ZNF385B: variants seen among roughly 807,000 people sequenced by gnomAD.
ZNF385B encodes the protein zinc finger protein 533.
In ZNF385B, 23 loss-of-function variants were observed where a neutral mutation model predicts 39.2. The observed-to-expected ratio is 0.59, with a 90% CI of 0.42 to 0.83. ZNF385B has a LOEUF of 0.83. ZNF385B is among the 40% of genes least tolerant of loss of function. ZNF385B has a pLI of 0.00. For missense variants in ZNF385B, 552 were observed against 598.9 expected, an observed-to-expected ratio of 0.92 and a Z score of 0.82; for synonymous variants, 205 against 222.6, an observed-to-expected ratio of 0.92 and a Z score of 0.70.
At chr2:179,495,353 G>A (rs1163459155) in intron 5 of ZNF385B, among the ~76,000 whole-genome samples, 1 of 152,188 alleles carries the variant, frequency 6.6e-6, no homozygotes, top group Non-Finnish European at 1.5e-5. Context: ...AGAACACCAG[G>A]TAGACTTCTA....
chr2:179,625,788 A>C (rs917521586), intron 3 of ZNF385B, among the ~76,000 whole-genome samples: 4 of 152,144 alleles, frequency 2.6e-5, no homozygotes, highest in Admixed American at 2.6e-4. Context: ...TATCTACATA[A>C]ATATAAAATG....
chr2:179,839,518 A>G (rs1341469605), intron 1 of ZNF385B, among the ~76,000 whole-genome samples: 1 of 152,216 alleles, frequency 6.6e-6, no homozygotes, highest in Non-Finnish European at 1.5e-5. Context: ...TTCATAATGT[A>G]TCTGTTTATT....
intron 3 of ZNF385B, among the ~76,000 whole-genome samples, chr2:179,628,423 G>C (rs532535338): frequency 6.6e-6 from 1 of 152,234 alleles, no homozygotes; most frequent in African/African-American, 2.4e-5. Context: ...GGATTTTGCT[G>C]ATTGGTTTCC....
intron 6 of ZNF385B, among the ~76,000 whole-genome samples, chr2:179,470,608 C>A (rs879909769): frequency 6.6e-6 from 1 of 152,172 alleles, no homozygotes; most frequent in Admixed American, 6.6e-5. Context: ...GCCTCTCTCT[C>A]TGTGCAAACT....
intron 3 of ZNF385B, among the ~76,000 whole-genome samples, chr2:179,642,843 C>T (rs2106224264): frequency 6.6e-6 from 1 of 152,238 alleles, no homozygotes; most frequent in South Asian, 2.1e-4. Context: ...TTCATTAAAT[C>T]TCAACCCTTC....
chr2:179,806,241 T>C (rs1424903066), intron 1 of ZNF385B, among the ~76,000 whole-genome samples: 7 of 152,054 alleles, frequency 4.6e-5, no homozygotes, highest in Non-Finnish European at 1.0e-4. Context: ...CAATACAAAA[T>C]GTACAAGATG....
At chr2:179,510,182 G>A (rs1439472489) in intron 5 of ZNF385B, among the ~76,000 whole-genome samples, 1 of 152,132 alleles carries the variant, frequency 6.6e-6, no homozygotes, top group Non-Finnish European at 1.5e-5. Flanking sequence ...AAATGCAGTT[G>A]ATGTGTATGT....
intron 4 of ZNF385B, among the ~76,000 whole-genome samples, chr2:179,525,633 A>C (rs1243751055): frequency 1.3e-5 from 2 of 152,192 alleles, no homozygotes; most frequent in Non-Finnish European, 1.5e-5. Flanking sequence ...CTCCATCATC[A>C]CATGAGGCAG....
At chr2:179,608,405 G>A (rs192213384) in intron 3 of ZNF385B, among the ~76,000 whole-genome samples, 8 of 152,270 alleles carry the variant, frequency 5.3e-5, no homozygotes, top group Admixed American at 5.2e-4. Context: ...CCAACTGTGT[G>A]CAGAAGGAGA....
At chr2:179,745,521 C>A (rs528797126) in intron 3 of ZNF385B, among the ~76,000 whole-genome samples, 1 of 152,188 alleles carries the variant, frequency 6.6e-6, no homozygotes, top group South Asian at 2.1e-4. Context: ...GTTATCACAC[C>A]CATGTAAGGA....
At chr2:179,804,504 A>C (rs1452459378) in intron 1 of ZNF385B, among the ~76,000 whole-genome samples, 5 of 152,168 alleles carry the variant, frequency 3.3e-5, no homozygotes, top group Non-Finnish European at 7.3e-5. Context: ...AGTGGGGGAG[A>C]AGGTACTCTA....
chr2:179,701,451 G>C (rs1247303178), intron 3 of ZNF385B, among the ~76,000 whole-genome samples: 1 of 152,064 alleles, frequency 6.6e-6, no homozygotes, highest in Non-Finnish European at 1.5e-5. Flanking sequence ...CAACAATCTT[G>C]TGTAGTAGAA....
chr2:179,839,034 G>A (rs1708409038), intron 1 of ZNF385B, among the ~76,000 whole-genome samples: 1 of 151,998 alleles, frequency 6.6e-6, no homozygotes, highest in Admixed American at 6.6e-5. Context: ...TAAACAGTCT[G>A]AAGGAGGAAA....
chr2:179,774,573 G>A (rs565907163), intron 1 of ZNF385B, among the ~76,000 whole-genome samples: 15 of 152,116 alleles, frequency 9.9e-5, no homozygotes, highest in African/African-American at 3.4e-4. Context: ...TGGCCAGGAT[G>A]GTCTTGATCT....
At chr2:179,748,741 T>G (rs1041234466) in intron 3 of ZNF385B, among the ~76,000 whole-genome samples, 1 of 152,160 alleles carries the variant, frequency 6.6e-6, no homozygotes, top group Non-Finnish European at 1.5e-5. Context: ...GTCTTTCTTA[T>G]GACTACACTT....
At chr2:179,798,149 T>C (rs907493664) in intron 1 of ZNF385B, among the ~76,000 whole-genome samples, 2 of 152,098 alleles carry the variant, frequency 1.3e-5, no homozygotes, top group Non-Finnish European at 2.9e-5. Context: ...TTACTGATAT[T>C]ATTTGAATTT....
chr2:179,774,671 C>A (rs181759200), intron 1 of ZNF385B, among the ~76,000 whole-genome samples: 623 of 152,280 alleles, frequency 4.1e-3, no homozygotes, highest in African/African-American at 0.014. Context: ...TCAATGTTTT[C>A]TAATTATTTT....
At chr2:179,783,581 C>A (rs1043456223) in intron 1 of ZNF385B, among the ~76,000 whole-genome samples, 98 of 152,086 alleles carry the variant, frequency 6.4e-4, no homozygotes, top group Non-Finnish European at 8.8e-5. Context: ...GCAAACTATA[C>A]ATCTGACAAA....
At chr2:179,836,903 G>A (rs974203778) in intron 1 of ZNF385B, among the ~76,000 whole-genome samples, 2 of 152,116 alleles carry the variant, frequency 1.3e-5, no homozygotes, top group Non-Finnish European at 2.9e-5. Context: ...AAATAAATGA[G>A]GGAATCCAAT....
Sources: allele counts gnomAD v4.1 joint callset (sites outside exome capture counted in the v4.1 genomes callset), GRCh38; gene constraint gnomAD v4.1.1; transcripts MANE v1.5; gene names NCBI Gene and HGNC (gene_info 2026-07-23, HGNC 2026-07-21).